The following MCHR2 variants were observed in gnomAD, a reference collection of about 807,000 sequenced individuals.
The protein encoded by MCHR2 is melanin-concentrating hormone receptor 2.
A neutral mutation model predicts 24.8 loss-of-function variants in MCHR2; 15 were observed. The ratio of observed to expected loss-of-function variants is 0.60; its 90% CI spans 0.40 to 0.93. The LOEUF is 0.93. Ranked by LOEUF, MCHR2 falls within the 40% of genes least tolerant of loss-of-function variation. MCHR2 has a pLI of 0.00. For synonymous variants in MCHR2, 151 were observed against 147.6 expected, an observed-to-expected ratio of 1.02 and a Z score of -0.17; for missense variants, 386 against 408.7, an observed-to-expected ratio of 0.94 and a Z score of 0.48.
intron 3 of MCHR2, among the ~76,000 whole-genome samples, chr6:99,946,384 C>T (rs1272635681): frequency 6.6e-6 from 1 of 152,136 alleles, no homozygotes; most frequent in African/African-American, 2.4e-5. Context: ...TCGTTCTTGT[C>T]AGAGTGAATT....
chr6:99,959,830 TAATG>T (rs1224078093), intron 1 of MCHR2, among the ~76,000 whole-genome samples: 1 of 148,208 alleles, frequency 6.7e-6, no homozygotes, highest in Non-Finnish European at 1.5e-5. Context: ...ACAATAATAA[TAATG>T]ATAATAATAA....
chr6:99,970,881 G>A (rs1269785849), intron 1 of MCHR2, among the ~76,000 whole-genome samples: 1 of 152,132 alleles, frequency 6.6e-6, no homozygotes. Flanking sequence ...TAGATATGCG[G>A]CATTATTTCT....
chr6:99,931,057 C>G (rs1297314055), intron 5 of MCHR2, among the ~76,000 whole-genome samples: 5 of 152,330 alleles, frequency 3.3e-5, no homozygotes, highest in Non-Finnish European at 7.3e-5. Flanking sequence ...TTCTAACAGA[C>G]AGGACCCTCA....
intron 1 of MCHR2, among the ~76,000 whole-genome samples, chr6:99,990,929 A>T (rs1775860835): frequency 6.8e-6 from 1 of 146,664 alleles, no homozygotes; most frequent in Non-Finnish European, 1.5e-5. Context: ...CCTTGGAGCC[A>T]CATCTAGTAT....
chr6:99,926,508 C>T (rs1251339700), intron 5 of MCHR2, among the ~76,000 whole-genome samples: 2 of 152,132 alleles, frequency 1.3e-5, no homozygotes, highest in Non-Finnish European at 2.9e-5. Flanking sequence ...TGTTTCCTGA[C>T]TTTTTAATGA....
At chr6:99,921,501 A>C (rs1774231415) in intron 5 of MCHR2, among the ~76,000 whole-genome samples, 1 of 152,140 alleles carries the variant, frequency 6.6e-6, no homozygotes, top group South Asian at 2.1e-4. Context: ...TTGTGGGTAC[A>C]TAGTAGGTGT....
chr6:99,983,192 A>G (rs1043845542), intron 1 of MCHR2, among the ~76,000 whole-genome samples: 6 of 152,032 alleles, frequency 3.9e-5, no homozygotes, highest in Non-Finnish European at 8.8e-5. Context: ...GTTGGCCTCA[A>G]ACTCCTGGGC....
rs1296844337 is a variant in MCHR2 at position 99,928,824 on chromosome 6, T to G, written c.707+5574A>C. Among the ~76,000 whole-genome samples, 12 of 152,328 alleles carry G rather than the reference T, an allele frequency of 7.9e-5. No homozygotes were observed. The East Asian group carries it at 1.7e-3, about 22-fold the overall frequency. On this transcript the variant is annotated intron_variant, in intron 5 of 5. Coordinates refer to ENST00000281806, the MANE Select transcript of MCHR2 (RefSeq NM_001040179.2). ...AATTAATTCTTTGAAGGGTTTTTTGTGTCTCTATTTCCTTCAGTTCTGCTC... is the reference window on the plus strand; with the variant it reads ...AATTAATTCTTTGAAGGGTTTTTTGGGTCTCTATTTCCTTCAGTTCTGCTC...
At chr6:99,959,316 G>T (rs1223310418) in intron 1 of MCHR2, among the ~76,000 whole-genome samples, 2 of 151,994 alleles carry the variant, frequency 1.3e-5, no homozygotes, top group Non-Finnish European at 2.9e-5. Context: ...CATGTCCAGA[G>T]GAGTCATGTC....
chr6:99,978,347 G>A (rs1044820280), intron 1 of MCHR2, among the ~76,000 whole-genome samples: 4 of 151,590 alleles, frequency 2.6e-5, no homozygotes, highest in African/African-American at 7.3e-5. Context: ...CTGAAAGCAG[G>A]TTGTGTTAAG....
chr6:99,987,852 T>G (rs958616434), intron 1 of MCHR2, among the ~76,000 whole-genome samples: 2 of 152,316 alleles, frequency 1.3e-5, no homozygotes, highest in Non-Finnish European at 2.9e-5. Context: ...AAAAGGTTAT[T>G]TTTTATTGAT....
chr6:99,993,111 T>G (rs1775916099), intron 1 of MCHR2, among the ~76,000 whole-genome samples: 1 of 152,212 alleles, frequency 6.6e-6, no homozygotes, highest in South Asian at 2.1e-4. Context: ...TCTTTAGTGG[T>G]AGCTTCAGGG....
At position 99,923,091 on chromosome 6, in the gene MCHR2, T is replaced by G. The variant is rs141691003; in HGVS notation, c.708-1836A>C. On this transcript the variant is annotated intron_variant, in intron 5 of 5. Coordinates refer to ENST00000281806, the MANE Select transcript of MCHR2 (RefSeq NM_001040179.2). ...TTCATCAGTGTTTTATAGTTTTCATTATAGAGATCTTTCACTTCTTTGTTA... is the reference window on the plus strand; with the variant it reads ...TTCATCAGTGTTTTATAGTTTTCATGATAGAGATCTTTCACTTCTTTGTTA... Among the ~76,000 whole-genome samples, 41 of 152,228 alleles carry G rather than the reference T, an allele frequency of 2.7e-4. No homozygotes were observed. In the East Asian group the frequency reaches 5.6e-3, roughly 21 times the overall value.
intron 2 of MCHR2, among the ~76,000 whole-genome samples, chr6:99,954,293 T>C (rs1465940455): frequency 1.3e-5 from 2 of 152,154 alleles, no homozygotes; most frequent in Non-Finnish European, 2.9e-5. Context: ...CTGTGCTTTT[T>C]AAGTGTAATA....
At chr6:99,990,207 T>C (rs9399378) in intron 1 of MCHR2, among the ~76,000 whole-genome samples, 32,189 of 152,138 alleles carry the variant, frequency 0.21, 3,772 homozygotes, top group South Asian at 0.42. Context: ...CAACCTTACA[T>C]TAAAATTGGA....
chr6:99,976,443 C>G (rs906337613), intron 1 of MCHR2, among the ~76,000 whole-genome samples: 3 of 152,160 alleles, frequency 2.0e-5, no homozygotes, highest in African/African-American at 7.2e-5. Context: ...GCATTAGTGT[C>G]CTAGGAGATG....
intron 1 of MCHR2, among the ~76,000 whole-genome samples, chr6:99,982,942 G>GT (rs1299545048): frequency 3.3e-5 from 5 of 151,836 alleles, no homozygotes; most frequent in Admixed American, 2.6e-4. Flanking sequence ...TGATGTTTTT[G>GT]TTTTTTTGTT....
intron 5 of MCHR2, among the ~76,000 whole-genome samples, chr6:99,921,860 T>C (rs1302860107): frequency 6.6e-6 from 1 of 152,180 alleles, no homozygotes; most frequent in East Asian, 1.9e-4. Context: ...CCCACAAATG[T>C]GTGAGAACAT....
At chr6:99,987,203 C>A (rs1161297188) in intron 1 of MCHR2, among the ~76,000 whole-genome samples, 1 of 151,862 alleles carries the variant, frequency 6.6e-6, no homozygotes, top group Admixed American at 6.6e-5. Context: ...TGGGTTCAAG[C>A]GATTCTCCTG....
Sources: gnomAD v4.1 joint callset for allele counts (sites outside exome capture counted in the v4.1 genomes callset) on GRCh38, gnomAD v4.1.1 for gene constraint, MANE v1.5 for transcripts, NCBI Gene and HGNC (gene_info 2026-07-23, HGNC 2026-07-21) for gene names.